Variants in PDE7B observed in about 807,000 individuals in gnomAD.
PDE7B encodes 3',5'-cyclic-AMP phosphodiesterase 7B.
A neutral mutation model predicts 56.2 loss-of-function variants in PDE7B; 29 were observed. The observed-to-expected ratio is 0.52, with a 90% CI of 0.38 to 0.70. The LOEUF is 0.70. Ranked by LOEUF, PDE7B falls within the 30% of genes least tolerant of loss-of-function variation. The pLI, the probability that PDE7B is intolerant of heterozygous loss-of-function variation, is 0.00. For synonymous variants in PDE7B, 197 were observed against 196.9 expected (o/e 1.00, Z 0.00); for missense variants, 490 against 565.0 (o/e 0.87, Z 1.35).
chr6:136,191,158 C>T (rs553905492), intron 12 of PDE7B, among the ~76,000 whole-genome samples: 1 of 151,946 alleles, frequency 6.6e-6, no homozygotes, highest in Non-Finnish European at 1.5e-5. Flanking sequence ...AACAACCCTA[C>T]GAGTTTAGTA....
chr6:135,960,365 T>C (rs1362739419), intron 2 of PDE7B, among the ~76,000 whole-genome samples: 1 of 152,204 alleles, frequency 6.6e-6, no homozygotes, highest in Non-Finnish European at 1.5e-5. Context: ...AAAAGTTTCT[T>C]AGAAGATCAG....
chr6:136,140,982 G>T (rs1452020519), intron 3 of PDE7B, among the ~76,000 whole-genome samples: 1 of 152,024 alleles, frequency 6.6e-6, no homozygotes, highest in East Asian at 1.9e-4. Flanking sequence ...GATTGTCCTG[G>T]CCAGAACTTC....
At chr6:136,176,095 A>G (rs1778972469) in intron 9 of PDE7B, among the ~76,000 whole-genome samples, 1 of 152,074 alleles carries the variant, frequency 6.6e-6, no homozygotes, top group Non-Finnish European at 1.5e-5. Flanking sequence ...ATTTCTTTAG[A>G]GAACACATTT....
intron 10 of PDE7B, among the ~76,000 whole-genome samples, chr6:136,180,252 C>T (rs1307339880): frequency 6.6e-6 from 1 of 152,160 alleles, no homozygotes; most frequent in Non-Finnish European, 1.5e-5. Flanking sequence ...GCTTCTAGTC[C>T]CTGAATGCCA....
chr6:136,093,668 G>A (rs2128216392), intron 2 of PDE7B, among the ~76,000 whole-genome samples: 1 of 152,254 alleles, frequency 6.6e-6, no homozygotes. Context: ...ACCACTGAGT[G>A]AGAAAGCCAT....
At chr6:135,853,448 C>A (rs1043891223) in intron 1 of PDE7B, among the ~76,000 whole-genome samples, 6 of 152,178 alleles carry the variant, frequency 3.9e-5, no homozygotes, top group Admixed American at 3.9e-4. Context: ...AACTGCAGCT[C>A]CTCCATTTCC....
At chr6:135,959,838 A>T (rs1774865799) in intron 2 of PDE7B, among the ~76,000 whole-genome samples, 1 of 152,032 alleles carries the variant, frequency 6.6e-6, no homozygotes, top group Non-Finnish European at 1.5e-5. Flanking sequence ...CAGTGGTGTG[A>T]TCAGAGCTCG....
At chr6:136,149,031 ATG>A in intron 4 of PDE7B, 54 bp from the exon 5 acceptor site, 1 of 1,206,106 alleles carries the variant, frequency 8.3e-7, no homozygotes, top group Non-Finnish European at 1.2e-6. Flanking sequence ...CCCAAAGTAA[ATG>A]TTTGAGTCTC....
intron 1 of PDE7B, among the ~76,000 whole-genome samples, chr6:135,942,848 A>G (rs1774529780): frequency 6.6e-6 from 1 of 151,046 alleles, no homozygotes; most frequent in African/African-American, 2.4e-5. Context: ...TCAAGAGTTA[A>G]TAATATTCCA....
intron 1 of PDE7B, among the ~76,000 whole-genome samples, chr6:135,911,729 AACT>A (rs780891472): frequency 3.9e-5 from 6 of 152,212 alleles, no homozygotes; most frequent in Non-Finnish European, 7.3e-5. Flanking sequence ...CCAATATGGT[AACT>A]ACAAGTCTCT....
chr6:135,971,325 T>C (rs186142926), intron 2 of PDE7B, among the ~76,000 whole-genome samples: 1 of 152,298 alleles, frequency 6.6e-6, no homozygotes, highest in East Asian at 1.9e-4. Context: ...AATATCTTGA[T>C]CTTAGACTTC....
At chr6:135,926,357 G>A (rs543696731) in intron 1 of PDE7B, among the ~76,000 whole-genome samples, 33 of 152,116 alleles carry the variant, frequency 2.2e-4, no homozygotes, top group Admixed American at 7.9e-4. Context: ...AAAGTGCTGG[G>A]ATTACAGGCG....
Position 135,895,567 on chromosome 6 carries a change from G to A in PDE7B, c.21+43548G>A, listed in dbSNP as rs185041297. On this transcript the variant is annotated intron_variant, in intron 1 of 12. Transcript: ENST00000308191. ...TTCCAATGTAAGTTCAGTGCTGGTC[G>A]GCCTGTAGGAGTTTCAGCAAAGATG... is the stretch of plus-strand genomic sequence containing the variant. Among the ~76,000 whole-genome samples the A allele has an allele frequency of 4.0e-3, 608 of 152,182 alleles. 5 individuals carry two copies. Among genetic ancestry groups the A allele is most frequent in the Non-Finnish European group, 4.3e-3 (290 of 68,012 alleles).
chr6:135,998,464 T>C, intron 2 of PDE7B, among the ~76,000 whole-genome samples: 1 of 152,158 alleles, frequency 6.6e-6, no homozygotes, highest in South Asian at 2.1e-4. Context: ...ACAAACATAA[T>C]TAAAACTCCT....
At chr6:136,090,776 C>T (rs1331763241) in intron 2 of PDE7B, among the ~76,000 whole-genome samples, 1 of 152,176 alleles carries the variant, frequency 6.6e-6, no homozygotes, top group African/African-American at 2.4e-5. Flanking sequence ...ACCTCCCTGT[C>T]TCTGTCTCCC....
At chr6:136,026,002 T>C (rs1776143500) in intron 2 of PDE7B, among the ~76,000 whole-genome samples, 3 of 152,206 alleles carry the variant, frequency 2.0e-5, no homozygotes. Context: ...TCCAATGTCT[T>C]GGGTAGATCT....
chr6:136,030,822 T>C (rs1435804377), intron 2 of PDE7B, among the ~76,000 whole-genome samples: 1 of 151,744 alleles, frequency 6.6e-6, no homozygotes, highest in Non-Finnish European at 1.5e-5. Flanking sequence ...AAAGAAGGAG[T>C]CATGGAGAAA....
intron 11 of PDE7B, among the ~76,000 whole-genome samples, chr6:136,184,378 G>GT (rs1779113446): frequency 6.6e-6 from 1 of 152,210 alleles, no homozygotes; most frequent in Non-Finnish European, 1.5e-5. Flanking sequence ...TCTGAGCTCA[G>GT]TTTTGAGTGA....
intron 10 of PDE7B, 114 bp downstream of exon 10, chr6:136,179,255 C>G: frequency 1.2e-6 from 1 of 863,984 alleles, no homozygotes; most frequent in Non-Finnish European, 1.9e-6. Flanking sequence ...GCATGGGGAT[C>G]ACTTGAGTCC....
Sources: allele counts gnomAD v4.1 joint callset (sites outside exome capture counted in the v4.1 genomes callset), GRCh38; gene constraint gnomAD v4.1.1; transcripts MANE v1.5; gene names NCBI Gene and HGNC (gene_info 2026-07-23, HGNC 2026-07-21).